DMD: variants seen among roughly 807,000 people sequenced by gnomAD.
DMD encodes mutant dystrophin.
Under a neutral mutation model 330.1 loss-of-function variants are expected in DMD, and 63 were observed. That is an observed-to-expected ratio of 0.19 (90% CI 0.16 to 0.24). DMD has a LOEUF of 0.24. DMD is among the 10% of genes least tolerant of loss of function. DMD has a pLI of 1.00. For missense variants in DMD, 3,344 were observed against 2,684.1 expected (o/e 1.25, Z -5.43); for synonymous variants, 1,223 against 959.8 (o/e 1.27, Z -5.07).
intron 2 of DMD, among the ~76,000 whole-genome samples, chrX:32,917,624 G>GA (rs1569542306): frequency 9.0e-6 from 1 of 111,300 alleles, no homozygotes; most frequent in South Asian, 3.7e-4. Flanking sequence ...CACTTCTGGG[G>GA]AAAAAAAGAG....
chrX:31,233,712 A>G (rs981955859), intron 63 of DMD, among the ~76,000 whole-genome samples: 3 of 111,848 alleles, frequency 2.7e-5, no homozygotes, highest in African/African-American at 9.8e-5. Context: ...TAATTTTCCT[A>G]AAGGCTACCT....
At position 33,001,333 on chromosome X, in the gene DMD, A is replaced by G. The variant is rs138797783; in HGVS notation, c.93+18806T>C. On this transcript the variant is annotated intron_variant, in intron 2 of 78. Coordinates refer to ENST00000357033, the MANE Select transcript of DMD (RefSeq NM_004006.3). ...CTTCAGGGACTGTGGTGATTTTGCA[A>G]TGTCTGTGAATTGCCCAGGGCTTCA... Among the ~76,000 whole-genome samples, 608 of 111,883 alleles carry G rather than the reference A, an allele frequency of 5.4e-3. 2 individuals carry two copies. Among genetic ancestry groups the G allele is most frequent in the Non-Finnish European group, 8.7e-3 (461 of 53,166 alleles).
At chrX:32,815,628 T>C (rs1009077151) in intron 6 of DMD, among the ~76,000 whole-genome samples, 1 of 108,057 alleles carries the variant, frequency 9.3e-6, no homozygotes, top group Non-Finnish European at 1.9e-5. Context: ...TATACATATG[T>C]ATTTCCTACA....
chrX:31,485,226 G>A (rs1049085584), intron 57 of DMD, among the ~76,000 whole-genome samples: 4 of 111,906 alleles, frequency 3.6e-5, no homozygotes, highest in African/African-American at 6.5e-5. Context: ...ACGGAGTCTC[G>A]CTCTGTCACC....
chrX:32,699,027 TTATA>T, intron 8 of DMD, 81 bp downstream of exon 8: 1 of 812,471 alleles, frequency 1.2e-6, no homozygotes, highest in Non-Finnish European at 1.9e-6. Context: ...TACATATAAG[TTATA>T]TATATATGTG....
intron 42 of DMD, among the ~76,000 whole-genome samples, chrX:32,292,393 C>G (rs903539238): frequency 3.0e-5 from 3 of 99,335 alleles, no homozygotes; most frequent in African/African-American, 1.1e-4. Context: ...CTCCGCCTCC[C>G]GGGTTTACTT....
intron 55 of DMD, among the ~76,000 whole-genome samples, chrX:31,516,005 C>A (rs2072156038): frequency 9.0e-6 from 1 of 111,418 alleles, no homozygotes; most frequent in Non-Finnish European, 1.9e-5. Context: ...GGTTATCCAA[C>A]ATGACTCATT....
intron 59 of DMD, among the ~76,000 whole-genome samples, chrX:31,457,785 T>C (rs754288726): frequency 3.6e-5 from 4 of 111,683 alleles, no homozygotes; most frequent in Non-Finnish European, 5.7e-5. Context: ...CACTCACTAC[T>C]GAAACAAAAT....
At chrX:33,098,278 AAAG>A (rs1485093748) in intron 1 of DMD, among the ~76,000 whole-genome samples, 1 of 111,976 alleles carries the variant, frequency 8.9e-6, no homozygotes, top group Non-Finnish European at 1.9e-5. Flanking sequence ...CTTATCTATC[AAAG>A]AATACTGACA....
intron 41 of DMD, among the ~76,000 whole-genome samples, chrX:32,335,857 T>G (rs983608341): frequency 9.4e-6 from 1 of 105,981 alleles, no homozygotes; most frequent in Non-Finnish European, 1.9e-5. Flanking sequence ...ACATGTTATA[T>G]TCAACGTTAT....
chrX:31,747,481 C>G (rs761059246), intron 51 of DMD, among the ~76,000 whole-genome samples: 1 of 111,240 alleles, frequency 9.0e-6, no homozygotes, highest in Non-Finnish European at 1.9e-5. Context: ...ACATACTTGT[C>G]TATTCCCTAG....
chrX:32,690,195 C>T (rs1446599666), intron 9 of DMD, among the ~76,000 whole-genome samples: 1 of 110,650 alleles, frequency 9.0e-6, no homozygotes, highest in East Asian at 2.8e-4. Flanking sequence ...ATTTAAAAAT[C>T]AGTAAAGTTG....
intron 34 of DMD, among the ~76,000 whole-genome samples, chrX:32,372,549 A>G (rs2097883334): frequency 9.0e-6 from 1 of 111,686 alleles, no homozygotes; most frequent in Admixed American, 9.6e-5. Flanking sequence ...AGAAAAGGAA[A>G]AGTATCTGAA....
chrX:31,522,325 TTCTCTC>T (rs1193302041), intron 55 of DMD, among the ~76,000 whole-genome samples: 164 of 51,321 alleles, frequency 3.2e-3, no homozygotes, highest in South Asian at 5.9e-3. Context: ...AGATCAAAAT[TTCTCTC>T]TCTCTCTCTC....
chrX:31,607,009 A>C (rs952373113), intron 55 of DMD, among the ~76,000 whole-genome samples: 2 of 112,100 alleles, frequency 1.8e-5, no homozygotes, highest in African/African-American at 6.5e-5. Context: ...AGAATTAATC[A>C]GTCCTACTGC....
chrX:32,958,149 T>G (rs2147003370), intron 2 of DMD, among the ~76,000 whole-genome samples: 1 of 111,660 alleles, frequency 9.0e-6, no homozygotes, highest in Admixed American at 9.5e-5. Context: ...AAATCAAATA[T>G]GTTCGTTCCT....
intron 1 of DMD, among the ~76,000 whole-genome samples, chrX:33,333,582 C>A (rs769641265): frequency 2.7e-5 from 3 of 110,777 alleles, no homozygotes; most frequent in African/African-American, 9.8e-5. Context: ...GAAATTATAT[C>A]TTTCCCTAGA....
At chrX:32,922,308 G>A (rs1185290139) in intron 2 of DMD, among the ~76,000 whole-genome samples, 1 of 110,702 alleles carries the variant, frequency 9.0e-6, no homozygotes, top group Non-Finnish European at 1.9e-5. Context: ...TAACAAACAA[G>A]AAAGCAAGCA....
intron 1 of DMD, among the ~76,000 whole-genome samples, chrX:33,201,821 G>A (rs1159431349): frequency 6.2e-5 from 7 of 112,356 alleles, no homozygotes; most frequent in Non-Finnish European, 1.1e-4. Context: ...TAGCACAGTT[G>A]CCTGTACATA....
Sources: gnomAD v4.1 joint callset for allele counts (sites outside exome capture counted in the v4.1 genomes callset) on GRCh38, gnomAD v4.1.1 for gene constraint, MANE v1.5 for transcripts, NCBI Gene and HGNC (gene_info 2026-07-23, HGNC 2026-07-21) for gene names.